ARL6IP6: variants seen among roughly 807,000 people sequenced by gnomAD.
The protein encoded by ARL6IP6 is ADP-ribosylation factor-like protein 6-interacting protein 6.
ARL6IP6 carries 22 observed loss-of-function variants against 21.5 expected under a neutral mutation model. That is an observed-to-expected ratio of 1.02 (90% confidence interval 0.73 to 1.46). The LOEUF (loss-of-function observed/expected upper bound fraction) is 1.46, where lower values mean the gene tolerates loss of function less well. ARL6IP6 is among the 40% of genes most tolerant of loss of function. The probability of loss-of-function intolerance (pLI) is 0.00; values close to 1 mark genes in which losing one functional copy is unlikely to be tolerated. For missense variants in ARL6IP6, 388 were observed against 299.8 expected, an observed-to-expected ratio of 1.29 and a Z score of -2.17; for synonymous variants, 164 against 125.3, an observed-to-expected ratio of 1.31 and a Z score of -2.06.
upstream of ARL6IP6, chr2:152,717,739 C>G (rs1699201414): frequency 1.5e-6 from 2 of 1,324,594 alleles, no homozygotes. Flanking sequence ...TCCCAGCTTC[C>G]CGAGCTTAGA....
At chr2:152,721,905 T>G (rs1413616012) in intron 2 of ARL6IP6, among the ~76,000 whole-genome samples, 2 of 152,258 alleles carry the variant, frequency 1.3e-5, no homozygotes, top group African/African-American at 2.4e-5. Context: ...AACATACTTT[T>G]TAGTTACTCA....
intron 3 of ARL6IP6, among the ~76,000 whole-genome samples, chr2:152,750,604 A>G (rs936708857): frequency 6.6e-6 from 1 of 150,872 alleles, no homozygotes; most frequent in Non-Finnish European, 1.5e-5. Flanking sequence ...ATGAAATCTT[A>G]AGTTGGAGTT....
At chr2:152,757,652 C>T (rs1451057225) in intron 3 of ARL6IP6, among the ~76,000 whole-genome samples, 1 of 152,116 alleles carries the variant, frequency 6.6e-6, no homozygotes, top group Non-Finnish European at 1.5e-5. Context: ...AGAGGAAAAT[C>T]ATGGTGAATA....
At position 152,735,167 on chromosome 2, in the gene ARL6IP6, C is replaced by T. The variant is rs116089287; in HGVS notation, c.587+41C>T. 3.4e-4 allele frequency: 545 copies of T among 1,604,302 alleles called. 3 individuals carry two copies. In the African/African-American group the frequency reaches 6.6e-3, roughly 19 times the overall value. ...TCCTGTTTCTTTTTTAAATGCATTT[C>T]AACTCTTGAAAATACTAAAATACTC... On this transcript the variant is annotated intron_variant, in intron 3 of 3. Transcript: ENST00000326446.
chr2:152,751,239 C>G (rs1701315914), intron 3 of ARL6IP6, among the ~76,000 whole-genome samples: 1 of 151,938 alleles, frequency 6.6e-6, no homozygotes, highest in Non-Finnish European at 1.5e-5. Context: ...TAATCATATT[C>G]ATTAGTGGAA....
In ARL6IP6 at chr2:152,718,775, G is replaced by A. The variant is rs1428712469; in HGVS notation, c.151G>A (p.Val51Met). 6.2e-7 allele frequency: 1 copy of A among 1,608,708 alleles called. No homozygotes were observed. Among genetic ancestry groups the A allele is most frequent in the Admixed American group, 1.7e-5 (1 of 59,110 alleles). Reference sequence around the variant, plus strand: ...CGACGAGGAGGAGGGATGCGACCAAGTGGCCCGCGACCTGCGGGCGGAGTT... The same window carrying A: ...CGACGAGGAGGAGGGATGCGACCAAATGGCCCGCGACCTGCGGGCGGAGTT... ...EVDEEEGCDQVARDLRAEFSA... is the reference protein window; with the variant it reads ...EVDEEEGCDQMARDLRAEFSA... The change falls in exon 1 of 4, where the codon GTG becomes ATG. Residue 51 changes from valine (V) to methionine (M), a missense_variant. Transcript: ENST00000326446.
intron 3 of ARL6IP6, among the ~76,000 whole-genome samples, chr2:152,740,414 A>G (rs1700752677): frequency 6.6e-6 from 1 of 152,148 alleles, no homozygotes; most frequent in African/African-American, 2.4e-5. Flanking sequence ...ATCCAGTTTT[A>G]ATATGAAATG....
At chr2:152,727,382 TAAG>T (rs1437880345) in intron 2 of ARL6IP6, among the ~76,000 whole-genome samples, 1 of 152,200 alleles carries the variant, frequency 6.6e-6, no homozygotes, top group Non-Finnish European at 1.5e-5. Flanking sequence ...ATTTATAAAG[TAAG>T]AAAGTTACAG....
At chr2:152,721,350 C>CTT (rs372234306) in intron 2 of ARL6IP6, among the ~76,000 whole-genome samples, 1 of 146,330 alleles carries the variant, frequency 6.8e-6, no homozygotes, top group Non-Finnish European at 1.5e-5. Context: ...TTATGTGCAG[C>CTT]TTTTTTTTTT....
At chr2:152,726,434 G>T (rs1305852743) in intron 2 of ARL6IP6, among the ~76,000 whole-genome samples, 1 of 152,120 alleles carries the variant, frequency 6.6e-6, no homozygotes, top group Non-Finnish European at 1.5e-5. Flanking sequence ...CCTGCACTTG[G>T]CTTTGACGTG....
intron 3 of ARL6IP6, among the ~76,000 whole-genome samples, chr2:152,759,051 ATAG>A (rs1701713042): frequency 6.6e-6 from 1 of 152,192 alleles, no homozygotes; most frequent in African/African-American, 2.4e-5. Context: ...GGATAAGCAA[ATAG>A]TATTATTGCA....
intron 2 of ARL6IP6, among the ~76,000 whole-genome samples, chr2:152,723,671 A>T (rs920332954): frequency 2.6e-5 from 4 of 152,230 alleles, no homozygotes; most frequent in Non-Finnish European, 5.9e-5. Flanking sequence ...GGCAGTCAGT[A>T]AGAACAGATT....
intron 2 of ARL6IP6, among the ~76,000 whole-genome samples, chr2:152,722,294 T>C (rs1699826217): frequency 1.3e-5 from 2 of 152,238 alleles, no homozygotes; most frequent in South Asian, 2.1e-4. Context: ...GGCATGAATT[T>C]ATTGTCAAGA....
At chr2:152,737,482 G>C (rs1228001317) in intron 3 of ARL6IP6, among the ~76,000 whole-genome samples, 1 of 152,128 alleles carries the variant, frequency 6.6e-6, no homozygotes, top group Non-Finnish European at 1.5e-5. Flanking sequence ...GTATTAGTCT[G>C]TTCTCATGCT....
chr2:152,748,417 A>G (rs781229911), intron 3 of ARL6IP6, among the ~76,000 whole-genome samples: 36 of 152,212 alleles, frequency 2.4e-4, no homozygotes, highest in African/African-American at 6.5e-4. Flanking sequence ...GTTTAGTGTT[A>G]AGATCTTTTG....
In ARL6IP6 at chr2:152,746,821, C is replaced by CTTTTTTTTTTTTTT. The variant is rs61506535; in HGVS notation, c.587+11706_587+11719dup. Among the ~76,000 whole-genome samples, 39 of 33,068 alleles carry CTTTTTTTTTTTTTT rather than the reference C, an allele frequency of 1.2e-3. 5 individuals carry two copies. The highest frequency in any genetic ancestry group is 1.4e-3 in the Non-Finnish European group (26 of 18,364). The allele number at this position is 33,068 out of a possible 152,430, so 21.7% of individuals were successfully genotyped here. On this transcript the variant is annotated intron_variant, in intron 3 of 3. Transcript: ENST00000326446. ...TATTTATCCTGAGATTTTATCCTTT[C>CTTTTTTTTTTTTTT]TTTTTTTTTTTTTTTTTTTTTTTTG...
At chr2:152,741,627 T>C (rs2105148733) in intron 3 of ARL6IP6, among the ~76,000 whole-genome samples, 1 of 152,320 alleles carries the variant, frequency 6.6e-6, no homozygotes, top group East Asian at 1.9e-4. Context: ...TTTTCCTTTA[T>C]TCAAATTTTT....
intron 2 of ARL6IP6, among the ~76,000 whole-genome samples, chr2:152,731,789 T>C (rs1383312118): frequency 6.6e-6 from 1 of 152,156 alleles, no homozygotes; most frequent in Non-Finnish European, 1.5e-5. Flanking sequence ...TCCAGAAATT[T>C]TTTAAAATAT....
rs1701807463 is a variant in ARL6IP6 at position 152,760,804 on chromosome 2, C to G, written c.*964C>G. 1 of 151,540 alleles carries G rather than the reference C, an allele frequency of 6.6e-6. No homozygotes were observed. The highest frequency in any genetic ancestry group is 1.5e-5 in the Non-Finnish European group (1 of 67,878). 9.4% of individuals were successfully genotyped at this position (151,540 alleles called of 1,614,324 possible). The stretch of plus-strand genomic sequence containing the variant: ...ATGATTGAACTAGTTTGTTCTTAAT[C>G]TCAAAAATTTAGTTACCAAAGTAGA... On this transcript the variant is annotated 3_prime_UTR_variant, in exon 4 of 4. Coordinates refer to ENST00000326446, the MANE Select transcript of ARL6IP6 (RefSeq NM_152522.7).
Sources: gnomAD v4.1 joint callset for allele counts (sites outside exome capture counted in the v4.1 genomes callset) on GRCh38, gnomAD v4.1.1 for gene constraint, MANE v1.5 for transcripts, NCBI Gene and HGNC (gene_info 2026-07-23, HGNC 2026-07-21) for gene names.